Variants in LRRC4C observed in about 807,000 individuals in gnomAD.
LRRC4C encodes the protein leucine-rich repeat-containing protein 4C.
Under a neutral mutation model 33.6 loss-of-function variants are expected in LRRC4C, and 5 were observed. That is an observed-to-expected ratio of 0.15 (90% CI 0.08 to 0.31). The LOEUF (loss-of-function observed/expected upper bound fraction) is 0.31. LRRC4C is among the 10% of genes least tolerant of loss of function. The pLI is 1.00. For missense variants in LRRC4C, 560 were observed against 796.7 expected (o/e 0.70, Z 3.58); for synonymous variants, 329 against 302.0 (o/e 1.09, Z -0.93).
At chr11:40,117,264 A>G (rs779186146) in intron 6 of LRRC4C, among the ~76,000 whole-genome samples, 2 of 152,206 alleles carry the variant, frequency 1.3e-5, no homozygotes, top group Non-Finnish European at 2.9e-5. Context: ...CTCAGCTGTA[A>G]GCACTGGCAA....
chr11:41,167,606 C>T (rs1328282334), intron 1 of LRRC4C, among the ~76,000 whole-genome samples: 1 of 152,198 alleles, frequency 6.6e-6, no homozygotes, highest in African/African-American at 2.4e-5. Flanking sequence ...AAACACTTTT[C>T]TTGCACTCAC....
chr11:41,324,243 C>A (rs1055218737), intron 1 of LRRC4C, among the ~76,000 whole-genome samples: 2 of 152,072 alleles, frequency 1.3e-5, no homozygotes, highest in Non-Finnish European at 2.9e-5. Context: ...CCAGCCTGAC[C>A]AACATGGAGA....
chr11:40,275,557 C>A (rs1162538461), intron 4 of LRRC4C, among the ~76,000 whole-genome samples: 1 of 152,058 alleles, frequency 6.6e-6, no homozygotes, highest in Non-Finnish European at 1.5e-5. Context: ...TGCAGGAAAC[C>A]TTGAGCTCTA....
At chr11:40,250,731 T>G (rs1226983868) in intron 4 of LRRC4C, among the ~76,000 whole-genome samples, 10 of 152,156 alleles carry the variant, frequency 6.6e-5, no homozygotes, top group Admixed American at 5.2e-4. Flanking sequence ...AGAGTGAGAT[T>G]CTGTCTCAAA....
chr11:41,260,149 G>A (rs1466592100), intron 1 of LRRC4C, among the ~76,000 whole-genome samples: 1 of 151,962 alleles, frequency 6.6e-6, no homozygotes, highest in East Asian at 1.9e-4. Context: ...TCTGTCGTCT[G>A]TCATTAACTA....
intron 4 of LRRC4C, among the ~76,000 whole-genome samples, chr11:40,288,146 A>T (rs1232772810): frequency 6.6e-6 from 1 of 152,194 alleles, no homozygotes; most frequent in Non-Finnish European, 1.5e-5. Context: ...AGGCTCAGAG[A>T]GGTTAAATGA....
chr11:41,229,783 C>T (rs772967493), intron 1 of LRRC4C, among the ~76,000 whole-genome samples: 10 of 152,034 alleles, frequency 6.6e-5, no homozygotes, highest in Non-Finnish European at 1.2e-4. Flanking sequence ...ATTAAAATGT[C>T]ACACCGAGCA....
intron 1 of LRRC4C, among the ~76,000 whole-genome samples, chr11:41,411,818 T>C (rs1954500900): frequency 6.6e-6 from 1 of 152,104 alleles, no homozygotes; most frequent in African/African-American, 2.4e-5. Context: ...AATTTGTGGG[T>C]CTAAATTGCC....
rs189678045 is a variant in LRRC4C, at chr11:41,434,802, T to A, written c.-496+24629A>T. ...TGTGGGGCAGCTTGAAGTCTGCAGA[T>A]CTGTTCAGCTGTGGCTCAGTGAGCA... On this transcript the variant is annotated intron_variant, in intron 1 of 6. Coordinates refer to ENST00000528697, the MANE Select transcript of LRRC4C (RefSeq NM_001258419.2). Among the ~76,000 whole-genome samples, 22 of 152,302 alleles carry A rather than the reference T, an allele frequency of 1.4e-4. No homozygotes were observed. In the East Asian group the frequency reaches 3.9e-3, roughly 27 times the overall value.
intron 1 of LRRC4C, among the ~76,000 whole-genome samples, chr11:41,399,993 C>A (rs747683500): frequency 4.0e-5 from 6 of 151,880 alleles, no homozygotes; most frequent in Non-Finnish European, 7.4e-5. Context: ...ATTCTGAAGG[C>A]AACAGAGCCA....
chr11:41,187,461 G>C (rs1945746073), intron 1 of LRRC4C, among the ~76,000 whole-genome samples: 1 of 152,132 alleles, frequency 6.6e-6, no homozygotes, highest in African/African-American at 2.4e-5. Flanking sequence ...TTGGAGGTAA[G>C]CCTAGCCACT....
chr11:40,129,765 A>G (rs1856518016), intron 6 of LRRC4C, among the ~76,000 whole-genome samples: 1 of 152,194 alleles, frequency 6.6e-6, no homozygotes, highest in Admixed American at 6.5e-5. Flanking sequence ...TTCTAATTCT[A>G]CTATCACAAT....
At chr11:41,072,289 C>T (rs1398429850) in intron 1 of LRRC4C, among the ~76,000 whole-genome samples, 3 of 146,344 alleles carry the variant, frequency 2.0e-5, no homozygotes, top group African/African-American at 7.6e-5. Flanking sequence ...CATTGAAGAC[C>T]CTCCACTGGC....
chr11:40,702,391 T>G (rs1945905814), intron 2 of LRRC4C, among the ~76,000 whole-genome samples: 1 of 152,186 alleles, frequency 6.6e-6, no homozygotes, highest in Non-Finnish European at 1.5e-5. Flanking sequence ...ACTTCTGATT[T>G]AAGTTTGCCA....
chr11:40,809,756 G>T (rs1951408264), intron 2 of LRRC4C, among the ~76,000 whole-genome samples: 1 of 152,094 alleles, frequency 6.6e-6, no homozygotes, highest in Non-Finnish European at 1.5e-5. Context: ...CCAGATCCTG[G>T]CATCATGCCT....
chr11:40,699,349 C>T (rs1300360147), intron 2 of LRRC4C, among the ~76,000 whole-genome samples: 1 of 151,864 alleles, frequency 6.6e-6, no homozygotes, highest in East Asian at 1.9e-4. Context: ...TTCAGCTCAG[C>T]ACAAAAAATC....
chr11:41,104,437 G>A (rs1468295533), intron 1 of LRRC4C, among the ~76,000 whole-genome samples: 2 of 151,942 alleles, frequency 1.3e-5, no homozygotes, highest in Middle Eastern at 3.4e-3. Flanking sequence ...TACTAAGAAG[G>A]CTATAATGGA....
At chr11:41,269,948 A>G (rs1051502338) in intron 1 of LRRC4C, among the ~76,000 whole-genome samples, 1 of 152,142 alleles carries the variant, frequency 6.6e-6, no homozygotes, top group Non-Finnish European at 1.5e-5. Flanking sequence ...TAGTTTTACC[A>G]GTTACTAACT....
chr11:40,392,141 AG>A (rs1275967801), intron 3 of LRRC4C, among the ~76,000 whole-genome samples: 23 of 152,110 alleles, frequency 1.5e-4, no homozygotes, highest in Admixed American at 1.5e-3. Flanking sequence ...TGTGGGGATG[AG>A]GGGAAAGGTA....
Sources: allele counts gnomAD v4.1 joint callset (sites outside exome capture counted in the v4.1 genomes callset), GRCh38; gene constraint gnomAD v4.1.1; transcripts MANE v1.5; gene names NCBI Gene and HGNC (gene_info 2026-07-23, HGNC 2026-07-21).